The following DLEC1 variants were observed in gnomAD, a reference collection of about 807,000 sequenced individuals.
DLEC1 encodes the protein deleted in lung and esophageal cancer protein 1.
A neutral mutation model predicts 198.1 loss-of-function variants in DLEC1; 146 were observed. The ratio of observed to expected loss-of-function variants is 0.74; its 90% confidence interval spans 0.64 to 0.85. DLEC1 has a LOEUF of 0.85. Among genes scored for constraint, DLEC1 ranks in the 40% least tolerant of loss-of-function variants. DLEC1 has a pLI of 0.00. For missense variants in DLEC1, 2,233 were observed against 2,220.0 expected, an observed-to-expected ratio of 1.01 and a Z score of -0.12; for synonymous variants, 897 against 866.8, an observed-to-expected ratio of 1.03 and a Z score of -0.61.
At position 38,088,340 on chromosome 3, in the gene DLEC1, C is replaced by G. The variant is rs1164771335; in HGVS notation, c.1617C>G (p.Ile539Met). ...VGFVEQPPFG[I>M]LPSVFELAPG... The stretch of plus-strand genomic sequence containing the variant: ...TTGTTGAACAACCTCCTTTTGGAAT[C>G]CTGCCTTCGGTGTTTGAGCTGGCCC... Residue 539 changes from isoleucine (I) to methionine (M), a missense_variant, in exon 10 of 37, where the codon ATC becomes ATG. Ile to Met is a conservative substitution (Grantham distance 10). Coordinates refer to ENST00000308059, the MANE Select transcript of DLEC1 (RefSeq NM_007335.4). 6.2e-7 allele frequency: 1 copy of G among 1,614,086 alleles called. No homozygotes were observed. Among genetic ancestry groups the G allele is most frequent in the East Asian group, 2.2e-5 (1 of 44,888 alleles).
In DLEC1 at chr3:38,107,718, C is replaced by T. The variant is rs774086129; in HGVS notation, c.2999C>T (p.Thr1000Ile). The T allele has an allele frequency of 6.2e-7, 1 of 1,613,994 alleles. No individual in the cohort carries two copies. Among genetic ancestry groups the T allele is most frequent in the South Asian group, 1.1e-5 (1 of 91,050 alleles). The part of the protein sequence containing the change: ...ITLINGTLLP[T>I]QFHWGKLLGH... The stretch of plus-strand genomic sequence containing the variant: ...CTTATCAATGGCACGCTCCTGCCTA[C>T]CCAGTTCCACTGGGGCAAGGTGAGT... Residue 1000 changes from threonine to isoleucine, a missense_variant, in exon 20 of 37, where the codon ACC becomes ATC. Coordinates refer to ENST00000308059, the MANE Select transcript of DLEC1 (RefSeq NM_007335.4).
chr3:38,090,696 C>T (rs1362976676), intron 10 of DLEC1, among the ~76,000 whole-genome samples: 1 of 152,192 alleles, frequency 6.6e-6, no homozygotes, highest in African/African-American at 2.4e-5. Flanking sequence ...TGCCAAAATC[C>T]TTACCATGCG....
At chr3:38,095,275 C>T (rs1698952825) in intron 13 of DLEC1, 1 of 598,028 alleles carries the variant, frequency 1.7e-6, no homozygotes, top group South Asian at 2.2e-5. Flanking sequence ...TGATCCCAGA[C>T]TCACCCCATC....
intron 2 of DLEC1, among the ~76,000 whole-genome samples, chr3:38,047,028 C>T (rs1700915510): frequency 6.6e-6 from 1 of 152,224 alleles, no homozygotes. Flanking sequence ...GTTCATCTCA[C>T]TGCAGCACAG....
At position 38,095,078 on chromosome 3, in the gene DLEC1, A is replaced by G. The variant is rs201769275; in HGVS notation, c.2112+7A>G. 1.2e-5 allele frequency: 19 copies of G among 1,613,940 alleles called. No homozygotes were observed. The East Asian group carries it at 3.8e-4, about 32-fold the overall frequency. ...GAGCTTTTCTCCTCATGAGGTTCAG[A>G]TGGTGTCATCTCAGTAGCCACACAT... On this transcript the variant is annotated splice_region_variant and intron_variant, in intron 13 of 36. Coordinates refer to ENST00000308059, the MANE Select transcript of DLEC1 (RefSeq NM_007335.4).
At chr3:38,108,177 G>A (rs1699666895) in intron 20 of DLEC1, among the ~76,000 whole-genome samples, 1 of 152,198 alleles carries the variant, frequency 6.6e-6, no homozygotes, top group Admixed American at 6.5e-5. Context: ...AGTTTCTTTT[G>A]TCCAGATAAC....
chr3:38,108,359 C>T (rs747415157), intron 20 of DLEC1, 46 bp from the exon 21 acceptor site: 2 of 1,506,182 alleles, frequency 1.3e-6, no homozygotes, highest in Non-Finnish European at 1.8e-6. Context: ...CTGGTCCATT[C>T]TGGGAGCCCA....
rs74412566 is a variant in DLEC1 at position 38,048,532 on chromosome 3, G to A, written c.562+2839G>A. On this transcript the variant is annotated intron_variant, in intron 2 of 36. Transcript: ENST00000308059. ...ATAGGTTATCCCACTAAATCCTCCCGACAACCCTGTAAGGTAGGTTTTCTT... is the reference window on the plus strand; with the variant it reads ...ATAGGTTATCCCACTAAATCCTCCCAACAACCCTGTAAGGTAGGTTTTCTT... Among the ~76,000 whole-genome samples, 505 of 152,324 alleles carry A rather than the reference G, an allele frequency of 3.3e-3. 2 individuals carry two copies. Among genetic ancestry groups the A allele is most frequent in the African/African-American group, 0.012 (479 of 41,572 alleles).
At chr3:38,084,743 A>G (rs2125673541) in intron 7 of DLEC1, among the ~76,000 whole-genome samples, 1 of 151,792 alleles carries the variant, frequency 6.6e-6, no homozygotes, top group African/African-American at 2.4e-5. Flanking sequence ...AGGGCTCCTC[A>G]TGCTCCACCA....
chr3:38,104,092 G>A (rs1352161256), intron 19 of DLEC1, among the ~76,000 whole-genome samples: 2 of 152,300 alleles, frequency 1.3e-5, no homozygotes, highest in African/African-American at 4.8e-5. Context: ...CAGTATCTGT[G>A]AAGTACAATA....
At chr3:38,120,006 C>T (rs1700367856) in intron 33 of DLEC1, among the ~76,000 whole-genome samples, 1 of 152,184 alleles carries the variant, frequency 6.6e-6, no homozygotes, top group Non-Finnish European at 1.5e-5. Context: ...CAAGCTTCAT[C>T]CTGTCCAGCC....
intron 1 of DLEC1, among the ~76,000 whole-genome samples, chr3:38,041,448 T>A (rs1217662048): frequency 6.6e-6 from 1 of 152,202 alleles, no homozygotes; most frequent in Non-Finnish European, 1.5e-5. Flanking sequence ...TGGCCCACAT[T>A]ATAAAAATCT....
chr3:38,084,184 C>A lies in DLEC1; in HGVS notation c.1200C>A (p.Thr400=), dbSNP rs1698220712. The change falls in exon 7 of 37, where the codon ACC becomes ACA. Residue 400 remains threonine, a synonymous_variant. Coordinates refer to ENST00000308059, the MANE Select transcript of DLEC1 (RefSeq NM_007335.4). Reference sequence around the variant, plus strand: ...TGGTAATTGCGCTGCAGAACACCACCACGACCAGCCGCTACCTGCGAGTCC... The same window carrying A: ...TGGTAATTGCGCTGCAGAACACCACAACGACCAGCCGCTACCTGCGAGTCC... The part of the protein sequence containing the change: ...YEMVIALQNT[T]TTSRYLRVLP... 1 of 1,613,094 alleles carries A rather than the reference C, an allele frequency of 6.2e-7. No individual in the cohort carries two copies.
At chr3:38,079,828 G>A (rs1359724159) in intron 6 of DLEC1, among the ~76,000 whole-genome samples, 1 of 152,190 alleles carries the variant, frequency 6.6e-6, no homozygotes, top group African/African-American at 2.4e-5. Flanking sequence ...GATGTGGCTG[G>A]GGTTTGTCTC....
intron 1 of DLEC1, among the ~76,000 whole-genome samples, chr3:38,042,237 C>T (rs1700691523): frequency 6.6e-6 from 1 of 152,156 alleles, no homozygotes; most frequent in South Asian, 2.1e-4. Flanking sequence ...AAGTGATCTG[C>T]CCGCCTCAGC....
chr3:38,095,122 G>C (rs777285226), intron 13 of DLEC1, 51 bp downstream of exon 13: 6 of 1,594,810 alleles, frequency 3.8e-6, no homozygotes, highest in Non-Finnish European at 8.6e-7. Flanking sequence ...CATGTATTTA[G>C]ACCCCCCACC....
chr3:38,065,664 G>A (rs1427998391), intron 6 of DLEC1, among the ~76,000 whole-genome samples: 1 of 152,102 alleles, frequency 6.6e-6, no homozygotes. Flanking sequence ...TAACAGATAA[G>A]GGTTTTAAAA....
intron 6 of DLEC1, 23 bp from the exon 7 acceptor site, chr3:38,084,135 G>C: frequency 1.2e-6 from 2 of 1,609,844 alleles, no homozygotes; most frequent in Non-Finnish European, 1.7e-6. Context: ...CTGTCTAAAA[G>C]AGATCATCTT....
At chr3:38,103,157 G>A (rs1038952632) in intron 19 of DLEC1, 9 of 152,244 alleles carry the variant, frequency 5.9e-5, no homozygotes, top group East Asian at 1.9e-4. Context: ...TCACCCTTCC[G>A]AGTCTCCGTT....
Sources: allele counts gnomAD v4.1 joint callset (sites outside exome capture counted in the v4.1 genomes callset), GRCh38; gene constraint gnomAD v4.1.1; transcripts MANE v1.5; gene names NCBI Gene and HGNC (gene_info 2026-07-23, HGNC 2026-07-21).